RNASET2: variants seen among roughly 807,000 people sequenced by gnomAD.
The protein encoded by RNASET2 is ribonuclease 6.
RNASET2 carries 28 observed loss-of-function variants against 33.9 expected under a neutral mutation model. That is an observed-to-expected ratio of 0.83 (90% CI 0.61 to 1.13). RNASET2 has a LOEUF of 1.13. RNASET2 is among the 50% of genes most tolerant of loss of function. The pLI, the probability that RNASET2 is intolerant of heterozygous loss-of-function variation, is 0.00. For synonymous variants in RNASET2, 123 were observed against 121.0 expected (o/e 1.02, Z -0.11); for missense variants, 330 against 319.9 (o/e 1.03, Z -0.24).
intron 1 of RNASET2, among the ~76,000 whole-genome samples, chr6:166,955,010 C>T (rs1207694821): frequency 6.7e-6 from 1 of 148,718 alleles, no homozygotes; most frequent in Non-Finnish European, 1.5e-5. Context: ...ATAAGTAAAA[C>T]CCACCTTTTC....
At chr6:166,955,300 GCACACACGACACACACGCACACA>G (rs1779112209) in intron 1 of RNASET2, among the ~76,000 whole-genome samples, 1 of 53,182 alleles carries the variant, frequency 1.9e-5, no homozygotes, top group Non-Finnish European at 3.2e-5. Flanking sequence ...GCACAGACGC[GCACACACGACACACACGCACACA>G]CACGCACGCA....
rs1427772413 is a variant in RNASET2 at position 166,925,844 on chromosome 6, C to T, written c.*3744G>A. On this transcript the variant is annotated 3_prime_UTR_variant, in exon 9 of 9. Coordinates refer to ENST00000508775, the MANE Select transcript of RNASET2 (RefSeq NM_003730.6). ...CCAAACTGCGCGGAGAATCCAGGCA[C>T]AAGGAAGTGCTAAGCAGAGCCCTCA... is the stretch of plus-strand genomic sequence containing the variant. Among the ~76,000 whole-genome samples, 2 of 152,192 alleles carry T rather than the reference C, an allele frequency of 1.3e-5. No individual in the cohort carries two copies. The highest frequency in any genetic ancestry group is 2.9e-5 in the Non-Finnish European group (2 of 68,020).
chr6:166,943,118 C>A, intron 4 of RNASET2, 29 bp from the exon 5 acceptor site: 1 of 1,553,050 alleles, frequency 6.4e-7, no homozygotes, highest in South Asian at 1.1e-5. Context: ...AATAAGTCTA[C>A]GCAGGTTCTT....
intron 8 of RNASET2, among the ~76,000 whole-genome samples, chr6:166,930,471 A>G (rs1778393763): frequency 6.6e-6 from 1 of 151,012 alleles, no homozygotes; most frequent in African/African-American, 2.4e-5. Context: ...GCATGTACAC[A>G]CACACACACA....
chr6:166,929,518 G>A lies in RNASET2; in HGVS notation c.*70C>T, dbSNP rs1443154228. On this transcript the variant is annotated 3_prime_UTR_variant, in exon 9 of 9. Transcript: ENST00000508775. Reference sequence around the variant, plus strand: ...AATAAACAGACTTCACTTTGGAGTTGTTTTTTAGAAAGCTGCAGTTTGTGA... The same window carrying A: ...AATAAACAGACTTCACTTTGGAGTTATTTTTTAGAAAGCTGCAGTTTGTGA... 4 of 1,512,428 alleles carry A rather than the reference G, an allele frequency of 2.6e-6. No individual in the cohort carries two copies. The African/African-American group carries it at 4.1e-5, about 16-fold the overall frequency. 93.7% of individuals were successfully genotyped at this position (1,512,428 alleles called of 1,614,324 possible).
At chr6:166,944,629 G>A (rs1778783918) in intron 4 of RNASET2, among the ~76,000 whole-genome samples, 1 of 152,150 alleles carries the variant, frequency 6.6e-6, no homozygotes, top group Non-Finnish European at 1.5e-5. Context: ...AAGGAAGCCA[G>A]GACTACTCTG....
chr6:166,936,255 G>A (rs992076935), intron 6 of RNASET2, among the ~76,000 whole-genome samples: 1 of 151,988 alleles, frequency 6.6e-6, no homozygotes, highest in Non-Finnish European at 1.5e-5. Context: ...TGAATGAATG[G>A]AGGACGCACC....
chr6:166,945,626 T>G (rs1197830591), intron 4 of RNASET2, among the ~76,000 whole-genome samples: 2 of 151,676 alleles, frequency 1.3e-5, no homozygotes, highest in African/African-American at 4.8e-5. Flanking sequence ...AGGTCAGGAG[T>G]TCGAGACCAG....
intron 4 of RNASET2, chr6:166,943,782 A>T (rs1449558731): frequency 2.1e-6 from 1 of 470,348 alleles, no homozygotes; most frequent in Non-Finnish European, 4.4e-6. Flanking sequence ...GAAGGGAGTG[A>T]ACTGTCTGTA....
At chr6:166,940,533 GACTTAGTT>G (rs1361550557) in intron 5 of RNASET2, among the ~76,000 whole-genome samples, 2 of 152,148 alleles carry the variant, frequency 1.3e-5, no homozygotes, top group African/African-American at 4.8e-5. Context: ...AATTCCAGGT[GACTTAGTT>G]TCTATAAAAC....
At chr6:166,931,259 G>A in intron 7 of RNASET2, 141 bp from the exon 8 acceptor site, 1 of 713,946 alleles carries the variant, frequency 1.4e-6, no homozygotes, top group Non-Finnish European at 2.5e-6. Flanking sequence ...GTGTGAGAAT[G>A]ATGCCCCCAC....
Position 166,927,221 on chromosome 6 carries a change from C to A in RNASET2, c.*2367G>T, listed in dbSNP as rs1394303601. Among the ~76,000 whole-genome samples the A allele has an allele frequency of 6.6e-6, 1 of 152,200 alleles. No homozygotes were observed. The highest frequency in any genetic ancestry group is 1.5e-5 in the Non-Finnish European group (1 of 68,046). ...TAAACGCAGAGTCTTCCCCTTCTGT[C>A]TCCTGCGGCTCATAAGTGCCTTATA... On this transcript the variant is annotated 3_prime_UTR_variant, in exon 9 of 9. Transcript: ENST00000508775.
rs1394303601 is a variant in RNASET2, at chr6:166,927,221, C to T, written c.*2367G>A. On this transcript the variant is annotated 3_prime_UTR_variant, in exon 9 of 9. Transcript: ENST00000508775. Reference sequence around the variant, plus strand: ...TAAACGCAGAGTCTTCCCCTTCTGTCTCCTGCGGCTCATAAGTGCCTTATA... The same window carrying T: ...TAAACGCAGAGTCTTCCCCTTCTGTTTCCTGCGGCTCATAAGTGCCTTATA... Among the ~76,000 whole-genome samples the T allele has an allele frequency of 2.0e-5, 3 of 152,200 alleles. No homozygotes were observed. Among genetic ancestry groups the T allele is most frequent in the Non-Finnish European group, 4.4e-5 (3 of 68,046 alleles).
In RNASET2 at chr6:166,938,377, C is replaced by T. The variant is rs147816948; in HGVS notation, c.446+518G>A. Among the ~76,000 whole-genome samples, 38 of 152,210 alleles carry T rather than the reference C, an allele frequency of 2.5e-4. No individual in the cohort carries two copies. The East Asian group carries it at 5.8e-3, about 23-fold the overall frequency. On this transcript the variant is annotated intron_variant, in intron 6 of 8. Transcript: ENST00000508775. ...AAGTCAACTGGCTCAAGTGGGACAA[C>T]GTATTCCACTTCTCAAGAATAGAGG...
intron 1 of RNASET2, among the ~76,000 whole-genome samples, chr6:166,954,062 A>G (rs1010559086): frequency 1.3e-5 from 2 of 152,320 alleles, no homozygotes; most frequent in East Asian, 1.9e-4. Flanking sequence ...GACGTTTGTA[A>G]CAAACTCTCC....
intron 2 of RNASET2, among the ~76,000 whole-genome samples, chr6:166,950,322 T>C (rs932449591): frequency 6.6e-6 from 1 of 152,222 alleles, no homozygotes; most frequent in Non-Finnish European, 1.5e-5. Context: ...CGGCTCCTTC[T>C]GTCCACTGCC....
chr6:166,950,927 G>A (rs530013912), intron 2 of RNASET2, among the ~76,000 whole-genome samples: 3 of 152,332 alleles, frequency 2.0e-5, no homozygotes, highest in South Asian at 2.1e-4. Context: ...GTGTGGAGAC[G>A]AGAGATTGTA....
intron 4 of RNASET2, chr6:166,943,474 C>A: frequency 3.1e-6 from 1 of 323,704 alleles, no homozygotes; most frequent in South Asian, 2.5e-5. Flanking sequence ...ATGATTCCAA[C>A]GACGTGACAA....
intron 3 of RNASET2, among the ~76,000 whole-genome samples, chr6:166,947,742 C>T (rs930614679): frequency 3.9e-5 from 6 of 152,100 alleles, no homozygotes; most frequent in Non-Finnish European, 8.8e-5. Flanking sequence ...CAGGAGGCAC[C>T]AATTAAGCTA....
Sources: allele counts gnomAD v4.1 joint callset (sites outside exome capture counted in the v4.1 genomes callset), GRCh38; gene constraint gnomAD v4.1.1; transcripts MANE v1.5; gene names NCBI Gene and HGNC (gene_info 2026-07-23, HGNC 2026-07-21).